NEK4: variants seen among roughly 807,000 people sequenced by gnomAD.
NEK4 encodes serine/threonine-protein kinase Nek4.
Under a neutral mutation model 98.4 loss-of-function variants are expected in NEK4, and 86 were observed. The ratio of observed to expected loss-of-function variants is 0.87; its 90% CI spans 0.73 to 1.05. The LOEUF is 1.05. Among genes scored for constraint, NEK4 ranks in the 50% least tolerant of loss-of-function variants. The pLI, the probability that NEK4 is intolerant of heterozygous loss-of-function variation, is 0.00. For missense variants in NEK4, 898 were observed against 950.3 expected (o/e 0.94, Z 0.72); for synonymous variants, 328 against 342.2 (o/e 0.96, Z 0.46).
At chr3:52,736,819 AAAAG>A (rs1224304396) in intron 15 of NEK4, among the ~76,000 whole-genome samples, 1 of 152,238 alleles carries the variant, frequency 6.6e-6, no homozygotes, top group Non-Finnish European at 1.5e-5. Flanking sequence ...TCATTTAAAA[AAAAG>A]AAAACTACCA....
chr3:52,713,135 G>C (rs1004013250), intron 15 of NEK4, among the ~76,000 whole-genome samples: 2 of 152,178 alleles, frequency 1.3e-5, no homozygotes, highest in Admixed American at 6.5e-5. Flanking sequence ...AAAGTACTAT[G>C]TGACATTCAA....
In NEK4 at chr3:52,743,449, C is replaced by T. The variant is rs1475953732; in HGVS notation, c.1907G>A (p.Arg636Lys). 1 of 1,613,864 alleles carries T rather than the reference C, an allele frequency of 6.2e-7. No individual in the cohort carries two copies. Among genetic ancestry groups the T allele is most frequent in the African/African-American group, 1.3e-5 (1 of 74,924 alleles). ...CCCTGCTACACTCAGAGACGCTTTC[C>T]TCACTGAAGGGCCTGAAAAGGCAAA... Reference protein sequence around the residue: ...EEMSSSGPSVRKASLSVAGPG... With the variant: ...EEMSSSGPSVKKASLSVAGPG... Residue 636 changes from arginine to lysine, a missense_variant, in exon 12 of 16, where the codon AGG becomes AAG. Physicochemically the swap from Arg to Lys is conservative, Grantham distance 26. Transcript: ENST00000233027.
intron 7 of NEK4, among the ~76,000 whole-genome samples, chr3:52,750,686 G>A (rs2097403480): frequency 6.6e-6 from 1 of 152,144 alleles, no homozygotes; most frequent in Admixed American, 6.5e-5. Flanking sequence ...CCAGTACGCT[G>A]GGAGGCCAAG....
At chr3:52,737,084 G>A (rs1046450394) in intron 15 of NEK4, among the ~76,000 whole-genome samples, 1 of 152,036 alleles carries the variant, frequency 6.6e-6, no homozygotes, top group Middle Eastern at 3.2e-3. Flanking sequence ...TTACAGGTGC[G>A]TGGCACCATG....
chr3:52,735,560 A>C (rs1013749948), intron 15 of NEK4, among the ~76,000 whole-genome samples: 1 of 152,234 alleles, frequency 6.6e-6, no homozygotes, highest in Non-Finnish European at 1.5e-5. Context: ...GTGTTTTACG[A>C]TCTACTTACC....
intron 6 of NEK4, among the ~76,000 whole-genome samples, chr3:52,752,900 CA>C (rs71087016): frequency 0.014 from 688 of 49,950 alleles, 43 homozygotes; most frequent in African/African-American, 0.048. Context: ...AACCCTGCCT[CA>C]AAAAAAAAAA....
intron 15 of NEK4, among the ~76,000 whole-genome samples, chr3:52,726,329 T>C (rs953648493): frequency 6.6e-6 from 1 of 152,186 alleles, no homozygotes; most frequent in African/African-American, 2.4e-5. Context: ...CTGGGCGCAG[T>C]GGCTCACGCC....
At chr3:52,718,218 C>T (rs1324548141) in intron 15 of NEK4, among the ~76,000 whole-genome samples, 1 of 152,028 alleles carries the variant, frequency 6.6e-6, no homozygotes, top group Non-Finnish European at 1.5e-5. Flanking sequence ...TGCCTGTAAT[C>T]CCAGCACTCT....
chr3:52,734,051 A>T (rs1457692191), intron 15 of NEK4, among the ~76,000 whole-genome samples: 50 of 152,142 alleles, frequency 3.3e-4, no homozygotes, highest in Admixed American at 3.2e-3. Context: ...AATATATATA[A>T]AAATAATATA....
intron 15 of NEK4, among the ~76,000 whole-genome samples, chr3:52,715,258 G>A (rs1578614076): frequency 1.3e-5 from 2 of 152,352 alleles, no homozygotes; most frequent in East Asian, 3.9e-4. Flanking sequence ...CAGACAATGG[G>A]ACGGCCAGCT....
chr3:52,725,398 C>T, intron 15 of NEK4, among the ~76,000 whole-genome samples: 1 of 151,892 alleles, frequency 6.6e-6, no homozygotes, highest in African/African-American at 2.4e-5. Flanking sequence ...ACCTGTAGTC[C>T]CAGCTACTCG....
intron 6 of NEK4, among the ~76,000 whole-genome samples, chr3:52,752,813 T>A (rs116733298): frequency 2.6e-3 from 387 of 148,348 alleles, no homozygotes; most frequent in Non-Finnish European, 4.2e-3. Flanking sequence ...TGCGGGAGGA[T>A]TGCTTGAGCC....
At position 52,724,050 on chromosome 3, in the gene NEK4, T is replaced by C. The variant is rs192160734; in HGVS notation, c.2434-12181A>G. On this transcript the variant is annotated intron_variant, in intron 15 of 15. Transcript: ENST00000233027. Reference sequence around the variant, plus strand: ...GAGTTCAAGACCAACCTGGATGACATGGTGAAACCCTGTCTCTACTAAAAA... The same window carrying C: ...GAGTTCAAGACCAACCTGGATGACACGGTGAAACCCTGTCTCTACTAAAAA... 1.9e-3 allele frequency among the ~76,000 whole-genome samples: 289 copies of C among 152,178 alleles called. 6 individuals carry two copies. Among genetic ancestry groups the C allele is most frequent in the East Asian group, 1.5e-3 (8 of 5,168 alleles).
rs367778423 is a variant in NEK4, at chr3:52,752,195, T to C, written c.1105A>G (p.Ile369Val). 3.7e-6 allele frequency: 6 copies of C among 1,614,216 alleles called. No homozygotes were observed. In the East Asian group the frequency reaches 8.9e-5, roughly 24 times the overall value. The stretch of plus-strand genomic sequence containing the variant: ...GAATCCCTCCCTTTTGCAGGTAAGA[T>C]GTCAATATTTACGCTACTGATTGTG... The part of the protein sequence containing the change: ...LATISSVNID[I>V]LPAKGRDSVS... Residue 369 changes from isoleucine to valine, a missense_variant, in exon 7 of 16, where the codon ATC becomes GTC. Physicochemically the swap from Ile to Val is conservative, Grantham distance 29 (BLOSUM62 3). Transcript: ENST00000233027.
intron 6 of NEK4, among the ~76,000 whole-genome samples, chr3:52,755,115 A>G (rs1356895793): frequency 6.6e-6 from 1 of 151,372 alleles, no homozygotes; most frequent in African/African-American, 2.4e-5. Context: ...ACTTCTTAAC[A>G]ATGAAAAAAA....
intron 15 of NEK4, among the ~76,000 whole-genome samples, chr3:52,715,676 A>G (rs2097354525): frequency 6.6e-6 from 1 of 152,140 alleles, no homozygotes; most frequent in Non-Finnish European, 1.5e-5. Context: ...GGCGTGAGCT[A>G]CCACGTCCAG....
At chr3:52,750,920 C>A (rs543656883) in intron 7 of NEK4, among the ~76,000 whole-genome samples, 9 of 152,100 alleles carry the variant, frequency 5.9e-5, no homozygotes, top group Non-Finnish European at 1.3e-4. Flanking sequence ...AGCAGAGACC[C>A]TGTCTCAAAA....
At chr3:52,757,699 G>A (rs978572164) in intron 6 of NEK4, among the ~76,000 whole-genome samples, 18 of 152,148 alleles carry the variant, frequency 1.2e-4, no homozygotes, top group Non-Finnish European at 2.5e-4. Flanking sequence ...TAAACAAAAC[G>A]TGGGATATAC....
chr3:52,742,459 G>A (rs937574685), intron 12 of NEK4, among the ~76,000 whole-genome samples: 1 of 152,102 alleles, frequency 6.6e-6, no homozygotes, highest in African/African-American at 2.4e-5. Flanking sequence ...GATATGGAAG[G>A]CAGCCTCTAT....
Sources: gnomAD v4.1 joint callset for allele counts (sites outside exome capture counted in the v4.1 genomes callset) on GRCh38, gnomAD v4.1.1 for gene constraint, MANE v1.5 for transcripts, NCBI Gene and HGNC (gene_info 2026-07-23, HGNC 2026-07-21) for gene names.